IQGAP2: variants seen among roughly 807,000 people sequenced by gnomAD.
IQGAP2 encodes the protein IQ motif containing GTPase activating protein 2.
Under a neutral mutation model 201.3 loss-of-function variants are expected in IQGAP2, and 173 were observed. The ratio of observed to expected loss-of-function variants is 0.86; its 90% CI spans 0.76 to 0.98. The LOEUF (loss-of-function observed/expected upper bound fraction) is 0.98, where lower values mean the gene tolerates loss of function less well. IQGAP2 is among the 50% of genes least tolerant of loss of function. The pLI, the probability that IQGAP2 is intolerant of heterozygous loss-of-function variation, is 0.00. For missense variants in IQGAP2, 1,687 were observed against 1,864.8 expected (o/e 0.90, Z 1.76); for synonymous variants, 675 against 673.9 (o/e 1.00, Z -0.03).
intron 2 of IQGAP2, among the ~76,000 whole-genome samples, chr5:76,489,709 C>T (rs1038150659): frequency 3.3e-5 from 5 of 152,218 alleles, no homozygotes; most frequent in Non-Finnish European, 7.3e-5. Flanking sequence ...TCACGTGATC[C>T]ATCCGCCTTG....
chr5:76,668,735 A>G lies in IQGAP2; in HGVS notation c.2734A>G (p.Thr912Ala), dbSNP rs777010489. 1.2e-6 allele frequency: 2 copies of G among 1,612,204 alleles called. No individual in the cohort carries two copies. Among genetic ancestry groups the G allele is most frequent in the South Asian group, 1.1e-5 (1 of 90,768 alleles). Residue 912 changes from threonine to alanine, a missense_variant, in exon 23 of 36, where the codon ACT becomes GCT. Coordinates refer to ENST00000274364, the MANE Select transcript of IQGAP2 (RefSeq NM_006633.5). ...LIFQMPQNKS[T>A]KFMDTVIFTL... ...TTTCCAGATGCCACAGAACAAGTCC[A>G]CTAAATTTATGGATACTGTTATTTT...
At chr5:76,635,511 G>C (rs1580682532) in intron 15 of IQGAP2, among the ~76,000 whole-genome samples, 1 of 152,110 alleles carries the variant, frequency 6.6e-6, no homozygotes, top group South Asian at 2.1e-4. Flanking sequence ...TTATTCTTCT[G>C]AAAACATTTA....
intron 3 of IQGAP2, 104 bp downstream of exon 3, chr5:76,562,656 G>T: frequency 1.9e-6 from 2 of 1,067,248 alleles, no homozygotes; most frequent in Non-Finnish European, 2.7e-6. Context: ...AGGATTTGGG[G>T]GGCTGGGGGA....
In IQGAP2 at chr5:76,416,190, C is replaced by T. The variant is rs183539521; in HGVS notation, c.46+12599C>T. Among the ~76,000 whole-genome samples the T allele has an allele frequency of 4.6e-5, 7 of 152,240 alleles. No homozygotes were observed. The East Asian group carries it at 1.4e-3, about 29-fold the overall frequency. On this transcript the variant is annotated intron_variant, in intron 1 of 35. Coordinates refer to ENST00000274364, the MANE Select transcript of IQGAP2 (RefSeq NM_006633.5). The stretch of plus-strand genomic sequence containing the variant: ...TTTACATAGGGTTTATGACCAAATG[C>T]CTTCAGGGGTCAAATGTGATCACAG...
At chr5:76,428,249 C>T (rs1752125844) in intron 1 of IQGAP2, among the ~76,000 whole-genome samples, 1 of 152,018 alleles carries the variant, frequency 6.6e-6, no homozygotes, top group Non-Finnish European at 1.5e-5. Flanking sequence ...TAGCTCAGTG[C>T]TGCCCTTGTT....
Position 76,457,928 on chromosome 5 carries a change from G to A in IQGAP2, c.47-3642G>A, listed in dbSNP as rs564150484. 3.5e-4 allele frequency among the ~76,000 whole-genome samples: 53 copies of A among 152,294 alleles called. No homozygotes were observed. In the South Asian group the frequency reaches 0.011, roughly 30 times the overall value. ...ATCAGAAAGCTGTGTTCTTCACAAT[G>A]TCCTCATGTTTTTTGTGGTTCACGG... On this transcript the variant is annotated intron_variant, in intron 1 of 35. Coordinates refer to ENST00000274364, the MANE Select transcript of IQGAP2 (RefSeq NM_006633.5).
At chr5:76,561,501 G>A (rs919374136) in intron 2 of IQGAP2, among the ~76,000 whole-genome samples, 2 of 152,316 alleles carry the variant, frequency 1.3e-5, no homozygotes, top group Admixed American at 6.5e-5. Flanking sequence ...CACGCTAATA[G>A]TTGGATTTGT....
At chr5:76,498,147 G>A (rs1414449413) in intron 2 of IQGAP2, among the ~76,000 whole-genome samples, 3 of 152,196 alleles carry the variant, frequency 2.0e-5, no homozygotes, top group Admixed American at 2.0e-4. Flanking sequence ...TGGACATTGT[G>A]ATTGTGCATG....
intron 1 of IQGAP2, among the ~76,000 whole-genome samples, chr5:76,418,366 G>A (rs72775766): frequency 0.049 from 7,418 of 151,848 alleles, 257 homozygotes; most frequent in Non-Finnish European, 0.074. Context: ...CTTTTACTAC[G>A]AAGTGTGAAT....
intron 9 of IQGAP2, chr5:76,597,213 A>G (rs1747093783): frequency 3.6e-6 from 2 of 548,270 alleles, no homozygotes; most frequent in Non-Finnish European, 6.5e-6. Flanking sequence ...CTCATACCCT[A>G]AGCTCCATCA....
intron 2 of IQGAP2, among the ~76,000 whole-genome samples, chr5:76,467,187 G>T (rs1277196765): frequency 6.6e-6 from 1 of 152,198 alleles, no homozygotes; most frequent in Non-Finnish European, 1.5e-5. Context: ...GGGAGGTGGA[G>T]GTTGCAGTGA....
At chr5:76,424,173 G>A (rs1194814221) in intron 1 of IQGAP2, among the ~76,000 whole-genome samples, 1 of 152,012 alleles carries the variant, frequency 6.6e-6, no homozygotes. Context: ...ATTCGTGAGG[G>A]GCTTCAATAT....
At chr5:76,409,809 A>C (rs1751009339) in intron 1 of IQGAP2, among the ~76,000 whole-genome samples, 1 of 152,178 alleles carries the variant, frequency 6.6e-6, no homozygotes, top group African/African-American at 2.4e-5. Flanking sequence ...ATACTTTGTC[A>C]CCTTACTGCT....
At chr5:76,416,673 G>T (rs150278218) in intron 1 of IQGAP2, among the ~76,000 whole-genome samples, 13 of 152,012 alleles carry the variant, frequency 8.6e-5, no homozygotes, top group African/African-American at 1.2e-4. Flanking sequence ...GACTACAGGC[G>T]CATGCCACCA....
At position 76,582,510 on chromosome 5, in the gene IQGAP2, T is replaced by C. The variant is rs557286698; in HGVS notation, c.459-6396T>C. ...TTCTAGTCCTGTGGTCTTTCTGCTC[T>C]ACCATGAGGCTTTGATATACAAACA... On this transcript the variant is annotated intron_variant, in intron 5 of 35. Transcript: ENST00000274364. Among the ~76,000 whole-genome samples, 15 of 152,346 alleles carry C rather than the reference T, an allele frequency of 9.8e-5. No homozygotes were observed. The East Asian group carries it at 1.5e-3, about 16-fold the overall frequency.
intron 1 of IQGAP2, among the ~76,000 whole-genome samples, chr5:76,426,933 T>TGTGTGTGTGTGTGTGTGA (rs772878589): frequency 1.3e-5 from 2 of 151,842 alleles, no homozygotes; most frequent in South Asian, 2.1e-4. Context: ...TGTGTGTGTG[T>TGTGTGTGTGTGTGTGTGA]GTGAGTGTGT....
chr5:76,625,387 G>A lies in IQGAP2; in HGVS notation c.1522-2023G>A, dbSNP rs16873536. ...AGCTTAGTTTTTAGGTTATAGCTGG[G>A]GAGTGTTGGGTTCTCTTAGATCTTG... is the stretch of plus-strand genomic sequence containing the variant. On this transcript the variant is annotated intron_variant, in intron 13 of 35. Transcript: ENST00000274364. Among the ~76,000 whole-genome samples, 1,205 of 152,236 alleles carry A rather than the reference G, an allele frequency of 7.9e-3. 17 individuals carry two copies. The highest frequency in any genetic ancestry group is 0.027 in the African/African-American group (1,135 of 41,538).
intron 35 of IQGAP2, among the ~76,000 whole-genome samples, chr5:76,703,915 T>G (rs1747649174): frequency 6.6e-6 from 1 of 152,206 alleles, no homozygotes; most frequent in Non-Finnish European, 1.5e-5. Flanking sequence ...AGCCCAGGGC[T>G]CCATGCACTG....
At chr5:76,451,864 G>A (rs567891130) in intron 1 of IQGAP2, among the ~76,000 whole-genome samples, 16 of 152,166 alleles carry the variant, frequency 1.1e-4, no homozygotes, top group South Asian at 4.1e-4. Flanking sequence ...ACGAAACCCC[G>A]TCTCTACTAA....
Sources: allele counts gnomAD v4.1 joint callset (sites outside exome capture counted in the v4.1 genomes callset), GRCh38; gene constraint gnomAD v4.1.1; transcripts MANE v1.5; gene names NCBI Gene and HGNC (gene_info 2026-07-23, HGNC 2026-07-21).